Variants in ODAD2 observed in about 807,000 individuals in gnomAD.
ODAD2 encodes outer dynein arm docking complex subunit 2.
ODAD2 carries 89 observed loss-of-function variants against 106.8 expected under a neutral mutation model. The observed-to-expected ratio is 0.83, with a 90% confidence interval of 0.70 to 0.99. The LOEUF is 0.99. Ranked by LOEUF, ODAD2 falls within the 50% of genes least tolerant of loss-of-function variation. The pLI, the probability that ODAD2 is intolerant of heterozygous loss-of-function variation, is 0.00. For missense variants in ODAD2, 1,168 were observed against 1,238.5 expected (o/e 0.94, Z 0.85); for synonymous variants, 404 against 436.2 (o/e 0.93, Z 0.92).
intron 17 of ODAD2, among the ~76,000 whole-genome samples, chr10:27,892,288 C>T (rs562433284): frequency 8.0e-4 from 122 of 152,240 alleles, no homozygotes; most frequent in Non-Finnish European, 1.6e-3. Flanking sequence ...TCAAATAAAA[C>T]TTCTTTAAAA....
At chr10:27,958,624 G>A (rs1360823484) in intron 10 of ODAD2, among the ~76,000 whole-genome samples, 2 of 152,274 alleles carry the variant, frequency 1.3e-5, no homozygotes, top group East Asian at 1.9e-4. Context: ...CCACCTGCAC[G>A]AGTCAGTTAA....
chr10:27,950,446 G>C (rs775654977), intron 10 of ODAD2, among the ~76,000 whole-genome samples: 20 of 152,162 alleles, frequency 1.3e-4, no homozygotes, highest in Non-Finnish European at 2.9e-5. Context: ...AGGAGAAAGA[G>C]AGAATACTGT....
At chr10:27,819,652 G>A (rs896481298) in intron 19 of ODAD2, among the ~76,000 whole-genome samples, 3 of 151,168 alleles carry the variant, frequency 2.0e-5, no homozygotes, top group African/African-American at 7.3e-5. Context: ...AGGTAGCTGG[G>A]TGGGTCTGAG....
intron 3 of ODAD2, among the ~76,000 whole-genome samples, chr10:27,985,649 T>C (rs890489061): frequency 9.9e-5 from 15 of 152,174 alleles, no homozygotes; most frequent in Non-Finnish European, 1.9e-4. Flanking sequence ...TTATAAAGGC[T>C]TTCTTTCCAA....
intron 17 of ODAD2, among the ~76,000 whole-genome samples, chr10:27,872,748 T>G (rs1043351536): frequency 1.3e-5 from 2 of 152,224 alleles, no homozygotes; most frequent in Non-Finnish European, 2.9e-5. Context: ...TGCTGCTGGA[T>G]TCAGTTTGCC....
At chr10:27,853,762 T>C (rs1339587418) in intron 19 of ODAD2, among the ~76,000 whole-genome samples, 1 of 152,150 alleles carries the variant, frequency 6.6e-6, no homozygotes, top group Non-Finnish European at 1.5e-5. Context: ...TTTACTCGAA[T>C]GGGTCATAGA....
At chr10:27,947,703 G>C (rs1353565084) in intron 10 of ODAD2, among the ~76,000 whole-genome samples, 1 of 152,170 alleles carries the variant, frequency 6.6e-6, no homozygotes, top group Non-Finnish European at 1.5e-5. Flanking sequence ...ACTTCAGCAA[G>C]AGAGAGTTAT....
intron 10 of ODAD2, 134 bp downstream of exon 10, chr10:27,961,434 C>G: frequency 1.1e-6 from 1 of 902,678 alleles, no homozygotes; most frequent in Non-Finnish European, 1.7e-6. Context: ...CCTGCACAAA[C>G]TTAGATAAAA....
chr10:27,992,709 G>A (rs1160457521), intron 2 of ODAD2, among the ~76,000 whole-genome samples: 1 of 151,932 alleles, frequency 6.6e-6, no homozygotes, highest in African/African-American at 2.4e-5. Context: ...ATAAATAACT[G>A]TGTGCTGAGA....
rs1434077132 is a variant in ODAD2, at chr10:27,907,722, G to A, written c.2551C>T (p.His851Tyr). Residue 851 changes from histidine to tyrosine, a missense_variant, in exon 17 of 20, where the codon CAC (histidine) becomes TAC (tyrosine). His to Tyr is a moderately conservative substitution (Grantham distance 83). Transcript: ENST00000305242. The stretch of plus-strand genomic sequence containing the variant: ...GCTGCGCTGGCCTTCACGTCTGGGT[G>A]AGGATTTTTCAGCAGGGACCACAAC... ...RLLWSLLKNPHPDVKASAAWA... is the reference protein window; with the variant it reads ...RLLWSLLKNPYPDVKASAAWA... 2 of 1,613,902 alleles carry A rather than the reference G, an allele frequency of 1.2e-6. No individual in the cohort carries two copies. The highest frequency in any genetic ancestry group is 2.2e-5 in the East Asian group (1 of 44,842).
At chr10:27,836,712 T>C (rs530397752) in intron 19 of ODAD2, among the ~76,000 whole-genome samples, 1 of 152,308 alleles carries the variant, frequency 6.6e-6, no homozygotes, top group African/African-American at 2.4e-5. Context: ...TCTTTAGGAT[T>C]TCAAGGAATA....
intron 16 of ODAD2, among the ~76,000 whole-genome samples, chr10:27,919,827 T>C (rs924691212): frequency 2.0e-5 from 3 of 152,158 alleles, no homozygotes; most frequent in African/African-American, 7.2e-5. Flanking sequence ...AAACATAACA[T>C]GAGTAAACTT....
At chr10:27,910,327 A>G (rs1180096653) in intron 16 of ODAD2, among the ~76,000 whole-genome samples, 4 of 152,268 alleles carry the variant, frequency 2.6e-5, no homozygotes, top group South Asian at 2.1e-4. Flanking sequence ...AAAGTCTCCA[A>G]TGGCTTCCCG....
chr10:27,919,813 G>T (rs2133951302), intron 16 of ODAD2, among the ~76,000 whole-genome samples: 1 of 152,198 alleles, frequency 6.6e-6, no homozygotes, highest in South Asian at 2.1e-4. Context: ...AATAAAATTG[G>T]TTGAAACATA....
rs186736571 is a variant in ODAD2 at position 27,903,163 on chromosome 10, G to A, written c.2610+4500C>T. Among the ~76,000 whole-genome samples the A allele has an allele frequency of 1.6e-4, 24 of 152,206 alleles. No homozygotes were observed. In the East Asian group the frequency reaches 4.3e-3, roughly 27 times the overall value. ...GTTCAACATATGCAAATCAATAAAC[G>A]TAATCCATCACATAAACAGAACCAG... On this transcript the variant is annotated intron_variant, in intron 17 of 19. Transcript: ENST00000305242.
intron 10 of ODAD2, among the ~76,000 whole-genome samples, chr10:27,946,743 C>T (rs553630647): frequency 4.3e-4 from 65 of 152,258 alleles, no homozygotes; most frequent in African/African-American, 1.3e-3. Flanking sequence ...GCTTCCCACA[C>T]ACCTCCTCCT....
chr10:27,940,177 G>A (rs1235033685), intron 13 of ODAD2, among the ~76,000 whole-genome samples, 170 bp from the exon 14 acceptor site: 10 of 151,932 alleles, frequency 6.6e-5, no homozygotes, highest in Admixed American at 5.9e-4. Flanking sequence ...ATACACATAT[G>A]TGTGTTTGTG....
intron 16 of ODAD2, 105 bp from the exon 17 acceptor site, chr10:27,907,882 C>T (rs1564491349): frequency 1.1e-5 from 9 of 803,908 alleles, no homozygotes; most frequent in Admixed American, 8.5e-5. Flanking sequence ...TGATATTTTG[C>T]TTAGAATTTT....
chr10:27,828,965 A>C (rs1404223081), intron 19 of ODAD2, among the ~76,000 whole-genome samples: 1 of 152,202 alleles, frequency 6.6e-6, no homozygotes, highest in Admixed American at 6.5e-5. Flanking sequence ...TCTGTCTTCC[A>C]AAATGGGCAC....
Sources: gnomAD v4.1 joint callset for allele counts (sites outside exome capture counted in the v4.1 genomes callset) on GRCh38, gnomAD v4.1.1 for gene constraint, MANE v1.5 for transcripts, NCBI Gene and HGNC (gene_info 2026-07-23, HGNC 2026-07-21) for gene names.